TIAL1: variants seen among roughly 807,000 people sequenced by gnomAD.
TIAL1 encodes nucleolysin TIAR.
Under a neutral mutation model 59.7 loss-of-function variants are expected in TIAL1, and 7 were observed. The observed-to-expected ratio is 0.12, with a 90% CI of 0.07 to 0.22. The LOEUF (loss-of-function observed/expected upper bound fraction) is 0.22. Among genes scored for constraint, TIAL1 ranks in the 10% least tolerant of loss-of-function variants. The pLI is 1.00. For synonymous variants in TIAL1, 149 were observed against 146.3 expected (o/e 1.02, Z -0.13); for missense variants, 225 against 462.5 (o/e 0.49, Z 4.71).
At chr10:119,580,889 G>T in intron 5 of TIAL1, 1 of 1,152,688 alleles carries the variant, frequency 8.7e-7, no homozygotes, top group South Asian at 1.6e-5. Context: ...TTGTGACTTG[G>T]ACTTAAGAAA....
intron 1 of TIAL1, among the ~76,000 whole-genome samples, chr10:119,589,075 G>A (rs1412325567): frequency 6.6e-6 from 1 of 152,168 alleles, no homozygotes; most frequent in Admixed American, 6.5e-5. Context: ...AACATACAGA[G>A]GGTGGAGGGT....
At position 119,596,470 on chromosome 10, in the gene TIAL1, G is replaced by A. The variant is rs956208294; in HGVS notation, c.-5C>T. 5.6e-6 allele frequency: 9 copies of A among 1,607,052 alleles called. No individual in the cohort carries two copies. The Admixed American group carries it at 8.4e-5, about 15-fold the overall frequency. The stretch of plus-strand genomic sequence containing the variant: ...CTGCCCGTCGTCTTCCATCATGGTG[G>A]GTGCGACGGAGCGATCCCGGGACAA... On this transcript the variant is annotated 5_prime_UTR_variant, in exon 1 of 12. Transcript: ENST00000436547.
intron 11 of TIAL1, among the ~76,000 whole-genome samples, chr10:119,576,221 G>T (rs1413906316): frequency 1.6e-5 from 2 of 127,804 alleles, no homozygotes; most frequent in Non-Finnish European, 3.3e-5. Context: ...AAAAAAAAAA[G>T]GCCAGTTACT....
intron 1 of TIAL1, 128 bp downstream of exon 1, chr10:119,596,306 T>C: frequency 1.0e-6 from 1 of 983,182 alleles, no homozygotes; most frequent in Non-Finnish European, 1.6e-6. Flanking sequence ...GCACTTCGCG[T>C]CCACGCCGCC....
rs773108976 is a variant in TIAL1, at chr10:119,588,181, G to T, written c.100C>A (p.Pro34Thr). Reference sequence around the variant, plus strand: ...GTTATCATTTTACAGCTTTTACAGGGTCCAATCTGACTGAACAACTGAAGT... The same window carrying T: ...GTTATCATTTTACAGCTTTTACAGGTTCCAATCTGACTGAACAACTGAAGT... ...LILQLFSQIG[P>T]CKSCKMITEH... Residue 34 changes from proline (P) to threonine (T), a missense_variant, in exon 2 of 12, where the codon CCC (proline) becomes ACC (threonine). Physicochemically the swap from Pro to Thr is conservative, Grantham distance 38. This residue lies in a region of TIAL1 where 39 missense variants were observed against 59.5 expected (regional missense o/e 0.66). Coordinates refer to ENST00000436547, the MANE Select transcript of TIAL1 (RefSeq NM_003252.4). 3 of 1,599,134 alleles carry T rather than the reference G, an allele frequency of 1.9e-6. No homozygotes were observed. The highest frequency in any genetic ancestry group is 2.6e-6 in the Non-Finnish European group (3 of 1,171,284).
intron 7 of TIAL1, 56 bp from the exon 8 acceptor site, chr10:119,577,792 T>C: frequency 7.0e-7 from 1 of 1,431,384 alleles, no homozygotes; most frequent in Non-Finnish European, 9.8e-7. Flanking sequence ...ATGAAACTCT[T>C]CTGTTAATTA....
At chr10:119,576,589 T>C in intron 11 of TIAL1, 22 bp downstream of exon 11, 4 of 1,610,778 alleles carry the variant, frequency 2.5e-6, no homozygotes, top group South Asian at 1.1e-5. Context: ...GTTTCTATAC[T>C]GGAAAAACCC....
chr10:119,595,332 A>C (rs575008296), intron 1 of TIAL1, among the ~76,000 whole-genome samples: 1 of 152,176 alleles, frequency 6.6e-6, no homozygotes. Context: ...AGAGAAACAA[A>C]GCAGCGATCT....
chr10:119,582,137 C>CT lies in TIAL1; in HGVS notation c.283+31dup, dbSNP rs1348767970. The CT allele has an allele frequency of 1.2e-6, 2 of 1,603,242 alleles. No individual in the cohort carries two copies. The highest frequency in any genetic ancestry group is 1.7e-6 in the Non-Finnish European group (2 of 1,176,352). ...ATGCCTCCTGGATAATTTCAGAACT[C>CT]TTCCACAGTAAAATGCAGCAGGAGT... On this transcript the variant is annotated intron_variant, in intron 4 of 11. Transcript: ENST00000436547. The surrounding 1 kb of genome is among the most constrained non-coding windows in gnomAD (Gnocchi z 5.1).
rs1844887013 is a variant in TIAL1 at position 119,574,614 on chromosome 10, C to CAAACAA, written c.*1050_*1051insTTGTTT. The CAAACAA allele has an allele frequency of 1.2e-5, 1 of 82,450 alleles. No individual in the cohort carries two copies. Among genetic ancestry groups the CAAACAA allele is most frequent in the Non-Finnish European group, 2.7e-5 (1 of 37,730 alleles). The allele number at this position is 82,450 out of a possible 1,614,324, so 5.1% of individuals were successfully genotyped here. A position where few individuals can be genotyped will look rare whatever the true frequency, so the allele number is the denominator to read the frequency against. ...AAAAAAAAAAAAAAAAAAACAAAAA[C>CAAACAA]AAAAAACTAATTCCCAATGACATTT... On this transcript the variant is annotated 3_prime_UTR_variant, in exon 12 of 12. Transcript: ENST00000436547.
chr10:119,582,605 G>A lies in TIAL1; in HGVS notation c.130-48C>T, dbSNP rs766208506. On this transcript the variant is annotated intron_variant, in intron 2 of 11. Transcript: ENST00000436547. The surrounding 1 kb of genome is among the most constrained non-coding windows in gnomAD (Gnocchi z 5.1). ...GAAGAGTTGACCCTTCTGCTATCGGGTTGCTGAGAAGAAAATCCAGGAAAA... is the reference window on the plus strand; with the variant it reads ...GAAGAGTTGACCCTTCTGCTATCGGATTGCTGAGAAGAAAATCCAGGAAAA... The A allele has an allele frequency of 3.8e-6, 6 of 1,595,740 alleles. No individual in the cohort carries two copies. The African/African-American group carries it at 6.8e-5, about 18-fold the overall frequency.
chr10:119,578,148 C>T (rs544788515), intron 7 of TIAL1, among the ~76,000 whole-genome samples: 1 of 147,228 alleles, frequency 6.8e-6, no homozygotes, highest in East Asian at 2.1e-4. Flanking sequence ...TCGCTTGAAC[C>T]TGCGAGGCGG....
At chr10:119,580,228 T>G in intron 5 of TIAL1, 1 of 449,662 alleles carries the variant, frequency 2.2e-6, no homozygotes. Flanking sequence ...CCTAATCAAA[T>G]AGCCTGTGCT....
At chr10:119,577,926 C>T (rs536490069) in intron 7 of TIAL1, among the ~76,000 whole-genome samples, 190 bp from the exon 8 acceptor site, 2 of 152,086 alleles carry the variant, frequency 1.3e-5, no homozygotes, top group South Asian at 4.2e-4. Context: ...CCTGTCTCTA[C>T]TAAAAATACA....
At position 119,577,509 on chromosome 10, in the gene TIAL1, G is replaced by C; in HGVS notation, c.679C>G (p.Pro227Ala). 6.2e-7 allele frequency: 1 copy of C among 1,613,940 alleles called. No individual in the cohort carries two copies. Among genetic ancestry groups the C allele is most frequent in the Non-Finnish European group, 8.5e-7 (1 of 1,179,922 alleles). ...TDQLMRQTFS[P>A]FGQIMEIRVF... Reference sequence around the variant, plus strand: ...CTTATTTCCATAATTTGTCCAAATGGTGAGAATGTCTGTCTCATAAGCTGA... The same window carrying C: ...CTTATTTCCATAATTTGTCCAAATGCTGAGAATGTCTGTCTCATAAGCTGA... The change falls in exon 9 of 12, where the codon CCA becomes GCA. Residue 227 changes from proline to alanine, a missense_variant. This residue lies in a region of TIAL1 where 80 missense variants were observed against 158.8 expected (regional missense o/e 0.50). Transcript: ENST00000436547.
chr10:119,578,016 C>T (rs1845097645), intron 7 of TIAL1, among the ~76,000 whole-genome samples: 1 of 151,608 alleles, frequency 6.6e-6, no homozygotes, highest in Admixed American at 6.6e-5. Flanking sequence ...CACGAGGTCA[C>T]GAGTTCGAGA....
intron 1 of TIAL1, among the ~76,000 whole-genome samples, chr10:119,592,936 C>T (rs914365252): frequency 1.3e-5 from 2 of 152,122 alleles, no homozygotes. Context: ...CTGCTTTGTT[C>T]TTAGATGTTC....
chr10:119,594,113 AAAGG>A (rs1846029920), intron 1 of TIAL1, among the ~76,000 whole-genome samples: 1 of 151,990 alleles, frequency 6.6e-6, no homozygotes, highest in Non-Finnish European at 1.5e-5. Context: ...GGAGAAGGAA[AAAGG>A]AAGACAGAAT....
Position 119,574,037 on chromosome 10 carries a change from T to C in TIAL1, c.*1628A>G, listed in dbSNP as rs751316415. The C allele has an allele frequency of 1.3e-5, 2 of 152,662 alleles. No individual in the cohort carries two copies. Among genetic ancestry groups the C allele is most frequent in the Non-Finnish European group, 2.9e-5 (2 of 68,042 alleles). The allele number at this position is 152,662 out of a possible 1,614,324, so 9.5% of individuals were successfully genotyped here. ...TTTGTGGGTACTAATCGCATCTTAC[T>C]ATGTAACTGTAAAAGGCTATTTTCT... On this transcript the variant is annotated 3_prime_UTR_variant, in exon 12 of 12. Coordinates refer to ENST00000436547, the MANE Select transcript of TIAL1 (RefSeq NM_003252.4).
Sources: allele counts gnomAD v4.1 joint callset (sites outside exome capture counted in the v4.1 genomes callset), GRCh38; gene constraint gnomAD v4.1.1; regional missense constraint gnomAD v4.1.1; non-coding constraint Gnocchi (gnomAD v3.1); transcripts MANE v1.5; gene names NCBI Gene and HGNC (gene_info 2026-07-23, HGNC 2026-07-21).